PRKRIP1: variants seen among roughly 807,000 people sequenced by gnomAD.
PRKRIP1 encodes the protein PRKR interacting protein 1.
A neutral mutation model predicts 29.3 loss-of-function variants in PRKRIP1; 29 were observed. The observed-to-expected ratio is 0.99, with a 90% CI of 0.74 to 1.35. PRKRIP1 has a LOEUF of 1.35. Ranked by LOEUF, PRKRIP1 falls within the 40% of genes most tolerant of loss-of-function variation. The pLI, the probability that PRKRIP1 is intolerant of heterozygous loss-of-function variation, is 0.00. For missense variants in PRKRIP1, 247 were observed against 236.8 expected (o/e 1.04, Z -0.28); for synonymous variants, 90 against 85.1 (o/e 1.06, Z -0.32).
chr7:102,399,994 T>G (rs1554570994), intron 3 of PRKRIP1, among the ~76,000 whole-genome samples: 1 of 117,632 alleles, frequency 8.5e-6, no homozygotes, highest in Non-Finnish European at 1.7e-5. Flanking sequence ...AGAGCGAAAC[T>G]CCATCTCAAA....
intron 5 of PRKRIP1, among the ~76,000 whole-genome samples, chr7:102,409,455 T>C (rs1352999354): frequency 7.2e-5 from 11 of 152,044 alleles, no homozygotes; most frequent in Admixed American, 7.2e-4. Flanking sequence ...TAAGGGGTTA[T>C]TGTAGCTTGG....
At chr7:102,412,385 T>A (rs928622016) in intron 5 of PRKRIP1, among the ~76,000 whole-genome samples, 2 of 151,950 alleles carry the variant, frequency 1.3e-5, no homozygotes, top group African/African-American at 2.4e-5. Flanking sequence ...TGAGACCCCA[T>A]CCCTACAAAA....
chr7:102,417,272 A>C (rs1315939579), intron 5 of PRKRIP1, among the ~76,000 whole-genome samples: 1 of 151,762 alleles, frequency 6.6e-6, no homozygotes, highest in Admixed American at 6.6e-5. Flanking sequence ...TCTCCCCCAT[A>C]TGTTTACTCT....
intron 5 of PRKRIP1, chr7:102,422,946 C>T (rs527647415): frequency 6.8e-6 from 2 of 294,436 alleles, no homozygotes; most frequent in Admixed American, 4.3e-5. Context: ...AAATCTGAAA[C>T]ACATTTGGTC....
chr7:102,419,828 A>G (rs1207800296), intron 5 of PRKRIP1, among the ~76,000 whole-genome samples: 2 of 145,756 alleles, frequency 1.4e-5, no homozygotes, highest in Non-Finnish European at 3.0e-5. Context: ...TTTGTGTGCT[A>G]CTGTTTTTTT....
intron 1 of PRKRIP1, 140 bp from the exon 2 acceptor site, chr7:102,397,480 A>G: frequency 1.5e-6 from 1 of 655,320 alleles, no homozygotes; most frequent in Non-Finnish European, 2.7e-6. Flanking sequence ...CAGGAGTTCA[A>G]GGCTGCAGTG....
chr7:102,412,219 G>C (rs1796406508), intron 5 of PRKRIP1, among the ~76,000 whole-genome samples: 1 of 152,146 alleles, frequency 6.6e-6, no homozygotes, highest in Admixed American at 6.5e-5. Flanking sequence ...TACATGCTTT[G>C]TACCAAATGG....
chr7:102,424,934 C>T lies in PRKRIP1; in HGVS notation c.458-80C>T, dbSNP rs1425802454. 13 of 1,435,766 alleles carry T rather than the reference C, an allele frequency of 9.1e-6. No homozygotes were observed. In the African/African-American group the frequency reaches 1.6e-4, roughly 17 times the overall value. The allele number at this position is 1,435,766 out of a possible 1,614,324, so 88.9% of individuals were successfully genotyped here. A position where few individuals can be genotyped will look rare whatever the true frequency, so the allele number is the denominator to read the frequency against. On this transcript the variant is annotated intron_variant, in intron 5 of 5. Transcript: ENST00000397912. ...TCTAGGAACAGGGACTTTTGACTTC[C>T]CATCAGCTCTCCTCTTTGAAAGCAC... is the stretch of plus-strand genomic sequence containing the variant.
intron 5 of PRKRIP1, among the ~76,000 whole-genome samples, chr7:102,422,222 T>C (rs1796714572): frequency 6.6e-6 from 1 of 150,522 alleles, no homozygotes; most frequent in African/African-American, 2.4e-5. Context: ...TTGCCCAGGC[T>C]GGAGTACAGT....
intron 3 of PRKRIP1, among the ~76,000 whole-genome samples, chr7:102,401,944 G>A (rs189923634): frequency 5.9e-5 from 9 of 152,234 alleles, no homozygotes; most frequent in African/African-American, 2.2e-4. Context: ...GAAACAGAAT[G>A]GGGTCATTGT....
intron 5 of PRKRIP1, among the ~76,000 whole-genome samples, chr7:102,420,670 C>A (rs1241551864): frequency 6.6e-6 from 1 of 152,198 alleles, no homozygotes; most frequent in South Asian, 2.1e-4. Flanking sequence ...CTTCCACACA[C>A]ATAAAATCCC....
chr7:102,403,637 A>G (rs1796130624), intron 3 of PRKRIP1, among the ~76,000 whole-genome samples: 1 of 152,128 alleles, frequency 6.6e-6, no homozygotes, highest in Non-Finnish European at 1.5e-5. Context: ...TCAGCCTCCC[A>G]AAGTACTGGG....
At chr7:102,422,475 C>T (rs1317063919) in intron 5 of PRKRIP1, among the ~76,000 whole-genome samples, 2 of 152,068 alleles carry the variant, frequency 1.3e-5, no homozygotes, top group Non-Finnish European at 2.9e-5. Flanking sequence ...TCCCAAGTAG[C>T]TGGGATTACA....
At chr7:102,402,540 C>T (rs1167840179) in intron 3 of PRKRIP1, among the ~76,000 whole-genome samples, 1 of 152,052 alleles carries the variant, frequency 6.6e-6, no homozygotes, top group Non-Finnish European at 1.5e-5. Context: ...GAGGGGAGGA[C>T]ATAGAGTAGG....
chr7:102,397,784 G>T lies in PRKRIP1; in HGVS notation c.205+86G>T, dbSNP rs987251751. 30 of 1,299,366 alleles carry T rather than the reference G, an allele frequency of 2.3e-5. No individual in the cohort carries two copies. In the South Asian group the frequency reaches 3.5e-4, roughly 15 times the overall value. 80.5% of individuals were successfully genotyped at this position (1,299,366 alleles called of 1,614,324 possible). A position where few individuals can be genotyped will look rare whatever the true frequency, so the allele number is the denominator to read the frequency against. On this transcript the variant is annotated intron_variant, in intron 2 of 5. Coordinates refer to ENST00000397912, the MANE Select transcript of PRKRIP1 (RefSeq NM_024653.4). ...CTATAGGCTGGGCGTGGTGGCTCATGCCTCTAATCCCAGCACTTTGGGAGG... is the reference window on the plus strand; with the variant it reads ...CTATAGGCTGGGCGTGGTGGCTCATTCCTCTAATCCCAGCACTTTGGGAGG...
chr7:102,404,713 C>T, intron 4 of PRKRIP1, 30 bp downstream of exon 4: 5 of 1,583,214 alleles, frequency 3.2e-6, no homozygotes, highest in Non-Finnish European at 4.3e-6. Flanking sequence ...TGTGATGACA[C>T]TTAAGGGCCA....
At position 102,406,870 on chromosome 7, in the gene PRKRIP1, C is replaced by CA. The variant is rs113919351; in HGVS notation, c.393-550dup. On this transcript the variant is annotated intron_variant, in intron 4 of 5. Coordinates refer to ENST00000397912, the MANE Select transcript of PRKRIP1 (RefSeq NM_024653.4). Reference sequence around the variant, plus strand: ...ACATAAACAAGTAATAAGTCATTAGCAAAAAAAAAAAAAAGCCGATTAAAA... The same window carrying CA: ...ACATAAACAAGTAATAAGTCATTAGCAAAAAAAAAAAAAAAGCCGATTAAAA... Among the ~76,000 whole-genome samples the CA allele has an allele frequency of 5.6e-3, 545 of 97,612 alleles. 1 individual carries two copies. Among genetic ancestry groups the CA allele is most frequent in the African/African-American group, 9.8e-3 (264 of 26,934 alleles). 64.0% of individuals were successfully genotyped at this position (97,612 alleles called of 152,430 possible). A position where few individuals can be genotyped will look rare whatever the true frequency, so the allele number is the denominator to read the frequency against.
At chr7:102,414,321 T>C (rs1188227352) in intron 5 of PRKRIP1, among the ~76,000 whole-genome samples, 4 of 152,194 alleles carry the variant, frequency 2.6e-5, no homozygotes, top group African/African-American at 9.6e-5. Context: ...CTATTCATTT[T>C]CTCTTAGTCT....
At chr7:102,397,556 G>C (rs1263020017) in intron 1 of PRKRIP1, 64 bp from the exon 2 acceptor site, 20 of 1,308,096 alleles carry the variant, frequency 1.5e-5, no homozygotes, top group Non-Finnish European at 1.1e-6. Flanking sequence ...TAAAAAAAGA[G>C]AGGGAGATAT....
Sources: gnomAD v4.1 joint callset for allele counts (sites outside exome capture counted in the v4.1 genomes callset) on GRCh38, gnomAD v4.1.1 for gene constraint, MANE v1.5 for transcripts, NCBI Gene and HGNC (gene_info 2026-07-23, HGNC 2026-07-21) for gene names.